Variants in FRY observed in about 807,000 individuals in gnomAD.
The protein encoded by FRY is protein furry homolog.
A neutral mutation model predicts 348.4 loss-of-function variants in FRY; 128 were observed. The ratio of observed to expected loss-of-function variants is 0.37; its 90% confidence interval spans 0.32 to 0.43. FRY has a LOEUF of 0.43. Ranked by LOEUF, FRY falls within the 20% of genes least tolerant of loss-of-function variation. The pLI is 1.00. For missense variants in FRY, 2,736 were observed against 3,695.2 expected (o/e 0.74, Z 6.73); for synonymous variants, 1,370 against 1,374.7 (o/e 1.00, Z 0.08).
Position 32,117,437 on chromosome 13 carries a change from A to G in FRY, c.428A>G (p.His143Arg). The change falls in exon 4 of 61, where the codon CAT (histidine) becomes CGT (arginine). Residue 143 changes from histidine (H) to arginine (R), a missense_variant. Around this residue, in one of 9 missense-constraint regions of FRY, gnomAD observed 309 missense variants for 418.1 expected, o/e 0.74. Coordinates refer to ENST00000542859, the MANE Select transcript of FRY (RefSeq NM_023037.3). Reference protein sequence around the residue: ...KRQNGIEDESHEYRPRTSNKS... With the variant: ...KRQNGIEDESREYRPRTSNKS... ...CAAAATGGCATTGAGGATGAATCACATGAATACAGACCAAGAACAAGCAAT... is the reference window on the plus strand; with the variant it reads ...CAAAATGGCATTGAGGATGAATCACGTGAATACAGACCAAGAACAAGCAAT... The G allele has an allele frequency of 1.2e-6, 2 of 1,613,866 alleles. No individual in the cohort carries two copies. Among genetic ancestry groups the G allele is most frequent in the Non-Finnish European group, 1.7e-6 (2 of 1,179,746 alleles).
At chr13:32,245,222 C>A (rs1324766774) in intron 47 of FRY, among the ~76,000 whole-genome samples, 1 of 152,132 alleles carries the variant, frequency 6.6e-6, no homozygotes, top group East Asian at 1.9e-4. Context: ...GCTGGGATTA[C>A]AGGCATGAGC....
rs75933781 is a variant in FRY at position 32,244,244 on chromosome 13, G to A, written c.6828+62G>A. On this transcript the variant is annotated intron_variant, in intron 47 of 60. Coordinates refer to ENST00000542859, the MANE Select transcript of FRY (RefSeq NM_023037.3). ...TTCTAAAAAGATGGAGGCTTTTCCT[G>A]TAGCTTGGCTACAAAACCATCTGGG... The A allele has an allele frequency of 7.7e-4, 1,145 of 1,489,480 alleles. 7 individuals are homozygous for A. In the African/African-American group the frequency reaches 0.013, roughly 17 times the overall value. The allele number at this position is 1,489,480 out of a possible 1,614,324, so 92.3% of individuals were successfully genotyped here.
chr13:32,042,500 T>A (rs28595290), intron 1 of FRY, among the ~76,000 whole-genome samples: 1 of 116,100 alleles, frequency 8.6e-6, no homozygotes, highest in Admixed American at 7.4e-5. Flanking sequence ...AGCCTGGAGA[T>A]GGGACTGTTA....
chr13:32,287,995 A>T (rs1889160873), intron 58 of FRY: 1 of 309,030 alleles, frequency 3.2e-6, no homozygotes. Flanking sequence ...TTCTCATTTT[A>T]ATTTATTTTA....
chr13:32,259,403 T>A (rs1271932563), intron 51 of FRY, among the ~76,000 whole-genome samples: 1 of 152,204 alleles, frequency 6.6e-6, no homozygotes, highest in Non-Finnish European at 1.5e-5. Context: ...CAAGAACAGC[T>A]TTCCCTGCCT....
intron 1 of FRY, among the ~76,000 whole-genome samples, chr13:32,068,817 A>T (rs904864350): frequency 7.9e-5 from 12 of 152,074 alleles, no homozygotes; most frequent in Non-Finnish European, 1.6e-4. Flanking sequence ...TATATCATCA[A>T]TGTATCTAGG....
intron 35 of FRY, among the ~76,000 whole-genome samples, chr13:32,216,725 G>A (rs1348386327): frequency 6.6e-6 from 1 of 152,218 alleles, no homozygotes; most frequent in Non-Finnish European, 1.5e-5. Flanking sequence ...AAGGTAATAA[G>A]TTTGTCCTTT....
intron 55 of FRY, among the ~76,000 whole-genome samples, chr13:32,272,349 G>C (rs886189919): frequency 6.6e-6 from 1 of 152,128 alleles, no homozygotes; most frequent in African/African-American, 2.4e-5. Flanking sequence ...GGTTTCTGTC[G>C]GTACAGTATG....
intron 55 of FRY, among the ~76,000 whole-genome samples, chr13:32,274,246 G>A (rs879311033): frequency 5.9e-5 from 9 of 152,000 alleles, no homozygotes; most frequent in Non-Finnish European, 1.2e-4. Context: ...ATTAATAATC[G>A]TGTATGATAT....
intron 59 of FRY, 60 bp from the exon 60 acceptor site, chr13:32,294,308 T>A: frequency 8.4e-7 from 1 of 1,183,902 alleles, no homozygotes; most frequent in Non-Finnish European, 1.2e-6. Context: ...TTTTTCCTTT[T>A]GGGATGTAAA....
intron 11 of FRY, among the ~76,000 whole-genome samples, chr13:32,144,951 A>T (rs1164796489): frequency 3.3e-5 from 5 of 150,952 alleles, no homozygotes; most frequent in African/African-American, 1.2e-4. Flanking sequence ...AATTGAAGGC[A>T]TCAGGGAGGA....
intron 31 of FRY, among the ~76,000 whole-genome samples, chr13:32,205,202 C>CAA (rs35930899): frequency 0.37 from 28,653 of 77,534 alleles, 4,989 homozygotes; most frequent in Non-Finnish European, 0.42. Context: ...GACTCTGTCT[C>CAA]AAAAAAAAAA....
intron 1 of FRY, among the ~76,000 whole-genome samples, chr13:32,053,932 A>T (rs373437823): frequency 1.3e-5 from 2 of 152,126 alleles, no homozygotes. Context: ...GGAGGTTGCA[A>T]TGAGCTGAGA....
In FRY at chr13:32,135,312, G is replaced by A. The variant is rs1879640470; in HGVS notation, c.1077+129G>A. On this transcript the variant is annotated intron_variant, in intron 10 of 60. Transcript: ENST00000542859. Reference sequence around the variant, plus strand: ...AGTACCTAAAGCTCCCTCAAAAAGAGGCAGCATTTGAAACTGAAGCTGGCT... The same window carrying A: ...AGTACCTAAAGCTCCCTCAAAAAGAAGCAGCATTTGAAACTGAAGCTGGCT... 4 of 687,432 alleles carry A rather than the reference G, an allele frequency of 5.8e-6. No individual in the cohort carries two copies. The East Asian group carries it at 8.0e-5, about 14-fold the overall frequency. 42.6% of individuals were successfully genotyped at this position (687,432 alleles called of 1,614,324 possible).
chr13:32,244,805 T>C (rs1886694681), intron 47 of FRY, among the ~76,000 whole-genome samples: 1 of 152,156 alleles, frequency 6.6e-6, no homozygotes, highest in East Asian at 1.9e-4. Flanking sequence ...TAAACAGTCT[T>C]TATGTATATT....
At chr13:32,257,072 C>T (rs969406289) in intron 51 of FRY, among the ~76,000 whole-genome samples, 1 of 152,032 alleles carries the variant, frequency 6.6e-6, no homozygotes, top group Non-Finnish European at 1.5e-5. Flanking sequence ...AGGTCCCATC[C>T]CCAAGATATC....
At chr13:32,111,679 A>C (rs17507119) in intron 3 of FRY, among the ~76,000 whole-genome samples, 7,613 of 152,266 alleles carry the variant, frequency 0.05, 249 homozygotes, top group Middle Eastern at 0.11. Flanking sequence ...CTCTTATACC[A>C]AATGAAGTAC....
chr13:32,280,417 G>A (rs372216092), intron 58 of FRY, among the ~76,000 whole-genome samples: 2 of 152,080 alleles, frequency 1.3e-5, no homozygotes, highest in African/African-American at 2.4e-5. Context: ...AACCTGTGCC[G>A]TTAGCATATC....
At chr13:32,080,613 C>A (rs1875414174) in intron 2 of FRY, among the ~76,000 whole-genome samples, 1 of 152,204 alleles carries the variant, frequency 6.6e-6, no homozygotes. Context: ...TCTCCTGTAA[C>A]TTGAGTCAGC....
Sources: allele counts gnomAD v4.1 joint callset (sites outside exome capture counted in the v4.1 genomes callset), GRCh38; gene constraint gnomAD v4.1.1; regional missense constraint gnomAD v4.1.1; transcripts MANE v1.5; gene names NCBI Gene and HGNC (gene_info 2026-07-23, HGNC 2026-07-21).